Variants in PRIM2 observed in about 807,000 individuals in gnomAD.
PRIM2 encodes DNA primase large subunit.
A neutral mutation model predicts 67.3 loss-of-function variants in PRIM2; 39 were observed. The ratio of observed to expected loss-of-function variants is 0.58; its 90% CI spans 0.45 to 0.76. PRIM2 has a LOEUF of 0.76. Among genes scored for constraint, PRIM2 ranks in the 30% least tolerant of loss-of-function variants. The pLI, the probability that PRIM2 is intolerant of heterozygous loss-of-function variation, is 0.00. For missense variants in PRIM2, 398 were observed against 598.7 expected, an observed-to-expected ratio of 0.66 and a Z score of 3.50; for synonymous variants, 143 against 198.7, an observed-to-expected ratio of 0.72 and a Z score of 2.36.
At chr6:57,256,001 T>A in the PRIM2 span, among the ~76,000 whole-genome samples, 1 of 147,542 alleles carries the variant, frequency 6.8e-6, no homozygotes, top group Non-Finnish European at 1.5e-5. Flanking sequence ...TAAAAGCAAT[T>A]TAGACACGCA....
rs372024809 is a variant in PRIM2, at chr6:57,379,856, T to C, written c.460-45T>C. The C allele has an allele frequency of 7.5e-5, 114 of 1,511,850 alleles. No individual in the cohort carries two copies. The South Asian group carries it at 1.4e-3, about 19-fold the overall frequency. 93.7% of individuals were successfully genotyped at this position (1,511,850 alleles called of 1,614,324 possible). The stretch of plus-strand genomic sequence containing the variant: ...AGGAAATCATTTTATTGAAACTGAA[T>C]GAGGACTTCAAATTTTTGTAACAGC... On this transcript the variant is annotated intron_variant, in intron 5 of 13. Transcript: ENST00000615550.
the PRIM2 span, among the ~76,000 whole-genome samples, chr6:57,224,230 G>A: frequency 2.0e-5 from 3 of 152,200 alleles, no homozygotes; most frequent in African/African-American, 7.2e-5. Context: ...GAATCCAGGA[G>A]TTCAAGACCA....
At chr6:57,241,894 G>A in the PRIM2 span, among the ~76,000 whole-genome samples, 34 of 152,038 alleles carry the variant, frequency 2.2e-4, 1 homozygote, top group Non-Finnish European at 1.9e-4. Context: ...GGATGGTCTC[G>A]ATCTCCTGAC....
In PRIM2 at chr6:57,332,226, G is replaced by C. The variant is rs146831630; in HGVS notation, c.459+6181G>C. Among the ~76,000 whole-genome samples the C allele has an allele frequency of 1.3e-5, 2 of 152,038 alleles. 1 individual carries two copies. The highest frequency in any genetic ancestry group is 4.2e-4 in the South Asian group (2 of 4,802). On this transcript the variant is annotated intron_variant, in intron 5 of 13. Transcript: ENST00000615550. ...TTAATTTAATTCCATTTTAGTTTGA[G>C]AATATATTTTATATGACTGCAATCT...
chr6:57,555,126 T>G (rs2127476193), intron 10 of PRIM2, among the ~76,000 whole-genome samples: 1 of 152,364 alleles, frequency 6.6e-6, no homozygotes, highest in African/African-American at 2.4e-5. Flanking sequence ...CTTTGAAACA[T>G]TTAACATTTT....
chr6:57,270,523 T>C, the PRIM2 span, among the ~76,000 whole-genome samples: 1 of 152,210 alleles, frequency 6.6e-6, no homozygotes, highest in African/African-American at 2.4e-5. Flanking sequence ...TAAGGAGATT[T>C]TGGGCTGAGA....
At chr6:57,645,137 C>G (rs1249891537) in intron 13 of PRIM2, among the ~76,000 whole-genome samples, 5 of 152,056 alleles carry the variant, frequency 3.3e-5, no homozygotes, top group Admixed American at 3.3e-4. Flanking sequence ...ACTTACAAGT[C>G]AGCTCTAAAA....
chr6:57,416,159 A>T (rs1334697476), intron 7 of PRIM2, among the ~76,000 whole-genome samples: 2 of 152,166 alleles, frequency 1.3e-5, no homozygotes, highest in East Asian at 3.9e-4. Context: ...AAATAATAAG[A>T]TGTGAAAGTT....
chr6:57,287,776 GA>G, the PRIM2 span, among the ~76,000 whole-genome samples: 68,487 of 144,732 alleles, frequency 0.47, 15,808 homozygotes, highest in East Asian at 0.64. Context: ...AAAGTAAAAT[GA>G]AAAAAAAAAA....
chr6:57,601,581 G>A (rs1202653922), intron 11 of PRIM2, among the ~76,000 whole-genome samples: 1 of 152,094 alleles, frequency 6.6e-6, no homozygotes. Context: ...TTCTAAGTTT[G>A]GAATAGTAGA....
the PRIM2 span, among the ~76,000 whole-genome samples, chr6:57,239,126 G>A: frequency 6.6e-6 from 1 of 151,978 alleles, no homozygotes; most frequent in South Asian, 2.1e-4. Context: ...GAGTAGCTGG[G>A]ACTACAGGCG....
intron 5 of PRIM2, among the ~76,000 whole-genome samples, chr6:57,338,466 A>C (rs2127291057): frequency 6.6e-6 from 1 of 151,036 alleles, no homozygotes; most frequent in African/African-American, 2.4e-5. Context: ...TCAATAAAAT[A>C]CTGGCAAACC....
At chr6:57,232,422 C>T in the PRIM2 span, among the ~76,000 whole-genome samples, 1 of 152,028 alleles carries the variant, frequency 6.6e-6, no homozygotes. Flanking sequence ...TGTGGTGGCG[C>T]GTGCCTGTAA....
At chr6:57,491,698 G>C (rs1554345974) in intron 7 of PRIM2, among the ~76,000 whole-genome samples, 103 of 152,194 alleles carry the variant, frequency 6.8e-4, no homozygotes, top group African/African-American at 2.4e-3. Context: ...CTAGTTTTGG[G>C]TTCTTGTCTC....
rs577158916 is a variant in PRIM2, at chr6:57,333,390, G to A, written c.459+7345G>A. Among the ~76,000 whole-genome samples the A allele has an allele frequency of 2.2e-4, 34 of 152,262 alleles. No homozygotes were observed. In the South Asian group the frequency reaches 6.6e-3, roughly 30 times the overall value. ...TAGCTTCTAGAGTTGCTCTTGAGAA[G>A]CCTGATTTCATTTTGACTTCTTATT... On this transcript the variant is annotated intron_variant, in intron 5 of 13. Coordinates refer to ENST00000615550, the MANE Select transcript of PRIM2 (RefSeq NM_000947.5).
chr6:57,567,883 C>G (rs1775777276), intron 10 of PRIM2, among the ~76,000 whole-genome samples: 1 of 152,272 alleles, frequency 6.6e-6, no homozygotes, highest in East Asian at 1.9e-4. Flanking sequence ...GCAGGGAAAT[C>G]TGCCTGTAAC....
At chr6:57,333,419 T>C (rs894192631) in intron 5 of PRIM2, among the ~76,000 whole-genome samples, 1 of 152,214 alleles carries the variant, frequency 6.6e-6, no homozygotes, top group African/African-American at 2.4e-5. Flanking sequence ...TCTTATTCTT[T>C]GCATGTAACT....
chr6:57,260,918 A>C, the PRIM2 span, among the ~76,000 whole-genome samples: 4 of 152,328 alleles, frequency 2.6e-5, no homozygotes, highest in East Asian at 7.7e-4. Flanking sequence ...CATGATCTCC[A>C]GGGGTATGAA....
intron 7 of PRIM2, among the ~76,000 whole-genome samples, chr6:57,400,542 A>C (rs1386025421): frequency 6.6e-6 from 1 of 151,976 alleles, no homozygotes; most frequent in Non-Finnish European, 1.5e-5. Flanking sequence ...ACTTTCTTCC[A>C]TTTTGACCTT....
Sources: allele counts gnomAD v4.1 joint callset (sites outside exome capture counted in the v4.1 genomes callset), GRCh38; gene constraint gnomAD v4.1.1; transcripts MANE v1.5; gene names NCBI Gene and HGNC (gene_info 2026-07-23, HGNC 2026-07-21).